SLC25A26: variants seen among roughly 807,000 people sequenced by gnomAD.
SLC25A26 encodes mitochondrial S-adenosylmethionine carrier protein.
In SLC25A26, 36 loss-of-function variants were observed where a neutral mutation model predicts 37.8. That is an observed-to-expected ratio of 0.95 (90% CI 0.73 to 1.26). SLC25A26 has a LOEUF of 1.26. Among genes scored for constraint, SLC25A26 ranks in the 50% most tolerant of loss-of-function variants. The pLI, the probability that SLC25A26 is intolerant of heterozygous loss-of-function variation, is 0.00. For synonymous variants in SLC25A26, 129 were observed against 122.5 expected, an observed-to-expected ratio of 1.05 and a Z score of -0.35; for missense variants, 390 against 331.1, an observed-to-expected ratio of 1.18 and a Z score of -1.38.
chr3:66,226,307 A>G (rs1378123164), intron 1 of SLC25A26, among the ~76,000 whole-genome samples: 1 of 152,172 alleles, frequency 6.6e-6, no homozygotes. Flanking sequence ...TGAGATCATC[A>G]GATCTTGTGA....
chr3:66,375,862 C>G (rs1440719618), intron 9 of SLC25A26, among the ~76,000 whole-genome samples: 1 of 151,774 alleles, frequency 6.6e-6, no homozygotes, highest in African/African-American at 2.4e-5. Context: ...CATAAGGCTA[C>G]AGCTGCATCA....
chr3:66,256,013 G>A (rs1019508256), intron 3 of SLC25A26, among the ~76,000 whole-genome samples: 1 of 152,140 alleles, frequency 6.6e-6, no homozygotes, highest in African/African-American at 2.4e-5. Flanking sequence ...AACTTGGAGG[G>A]TTATGAAGCA....
At chr3:66,250,597 A>G (rs948912659) in intron 3 of SLC25A26, among the ~76,000 whole-genome samples, 1 of 152,108 alleles carries the variant, frequency 6.6e-6, no homozygotes, top group Non-Finnish European at 1.5e-5. Flanking sequence ...TAGGGAGGCA[A>G]GGCTAAAGCA....
At chr3:66,135,938 A>T (rs181941363) in intron 1 of SLC25A26, among the ~76,000 whole-genome samples, 107 of 152,330 alleles carry the variant, frequency 7.0e-4, no homozygotes, top group Middle Eastern at 3.4e-3. Context: ...TCCTACAGGG[A>T]TATACATCTT....
intron 5 of SLC25A26, among the ~76,000 whole-genome samples, chr3:66,316,390 A>G (rs1175042399): frequency 6.6e-6 from 1 of 152,154 alleles, no homozygotes; most frequent in African/African-American, 2.4e-5. Flanking sequence ...CTTTGGCCAG[A>G]TACGAAATTC....
chr3:66,363,520 T>C (rs2076760626), intron 7 of SLC25A26, among the ~76,000 whole-genome samples: 1 of 152,206 alleles, frequency 6.6e-6, no homozygotes, highest in Non-Finnish European at 1.5e-5. Context: ...CACTAAGTCA[T>C]ATGAATTTTC....
intron 5 of SLC25A26, among the ~76,000 whole-genome samples, chr3:66,321,826 T>A (rs1328572754): frequency 6.6e-6 from 1 of 152,102 alleles, no homozygotes; most frequent in Admixed American, 6.5e-5. Context: ...AACTTTATCT[T>A]AGTCTGTTTT....
intron 7 of SLC25A26, 128 bp from the exon 8 acceptor site, chr3:66,369,350 C>A: frequency 1.4e-6 from 1 of 725,124 alleles, no homozygotes; most frequent in Non-Finnish European, 2.4e-6. Flanking sequence ...TGCATGTGTG[C>A]ATCCTGTTCT....
rs923861496 is a variant in SLC25A26, at chr3:66,162,915, A to G, written c.-354+28931A>G. On this transcript the variant is annotated intron_variant, in intron 1 of 10. Coordinates refer to the SLC25A26 transcript ENST00000676754. ...TGAGAAAGCTTAGGCTCAGAGAGAT[A>G]GAGGAACTTGCTTCATTAAGGCCAC... is the stretch of plus-strand genomic sequence containing the variant. 3.9e-5 allele frequency among the ~76,000 whole-genome samples: 6 copies of G among 152,334 alleles called. No individual in the cohort carries two copies. The Middle Eastern group carries it at 0.01, about 259-fold the overall frequency.
chr3:66,288,320 G>A (rs9809256), intron 5 of SLC25A26, among the ~76,000 whole-genome samples: 7,843 of 152,020 alleles, frequency 0.052, 611 homozygotes, highest in African/African-American at 0.17. Flanking sequence ...ACATTGGAAA[G>A]CATTTTTTTT....
At chr3:66,370,661 CTAACT>C in intron 9 of SLC25A26, 59 bp downstream of exon 9, 1 of 1,411,434 alleles carries the variant, frequency 7.1e-7, no homozygotes, top group Non-Finnish European at 9.9e-7. Context: ...CTCCTTTAGC[CTAACT>C]TTGGATGAAC....
chr3:66,145,080 A>G (rs2070095845), intron 1 of SLC25A26, among the ~76,000 whole-genome samples: 1 of 152,162 alleles, frequency 6.6e-6, no homozygotes, highest in South Asian at 2.1e-4. Context: ...AAATCAATGG[A>G]TTGGAAAACT....
intron 1 of SLC25A26, among the ~76,000 whole-genome samples, chr3:66,150,070 A>G (rs2106688231): frequency 6.6e-6 from 1 of 152,330 alleles, no homozygotes; most frequent in Non-Finnish European, 1.5e-5. Context: ...ACAAAGACAC[A>G]GAAGATGGAA....
chr3:66,298,169 G>A (rs534883659), intron 5 of SLC25A26, among the ~76,000 whole-genome samples: 1 of 152,156 alleles, frequency 6.6e-6, no homozygotes, highest in Non-Finnish European at 1.5e-5. Context: ...TCTGAAGTGT[G>A]AGAACCACTG....
At chr3:66,272,982 A>T (rs142261387) in intron 5 of SLC25A26, among the ~76,000 whole-genome samples, 1 of 152,102 alleles carries the variant, frequency 6.6e-6, no homozygotes, top group Non-Finnish European at 1.5e-5. Flanking sequence ...TACCTAATTT[A>T]TTGAGAGTTT....
chr3:66,239,546 C>G (rs947636787), intron 2 of SLC25A26, among the ~76,000 whole-genome samples: 5 of 152,166 alleles, frequency 3.3e-5, no homozygotes, highest in Non-Finnish European at 7.3e-5. Context: ...AAAGCCAAAT[C>G]TTTTTCTAAA....
intron 7 of SLC25A26, among the ~76,000 whole-genome samples, chr3:66,364,989 A>G (rs1362623130): frequency 5.3e-5 from 8 of 152,224 alleles, no homozygotes; most frequent in Admixed American, 5.2e-4. Flanking sequence ...TTTATTTGGT[A>G]CAACTGTTGA....
intron 1 of SLC25A26, among the ~76,000 whole-genome samples, chr3:66,150,010 CCAAACGTGG>C (rs1292831014): frequency 6.6e-6 from 1 of 152,002 alleles, no homozygotes; most frequent in Non-Finnish European, 1.5e-5. Flanking sequence ...TATTCTGTGA[CCAAACGTGG>C]GGCTTTTCAA....
chr3:66,334,554 G>A (rs192634194), intron 5 of SLC25A26, among the ~76,000 whole-genome samples: 23 of 152,226 alleles, frequency 1.5e-4, no homozygotes, highest in Admixed American at 7.2e-4. Context: ...GGCCTTAACT[G>A]ATCCACCGGC....
Sources: gnomAD v4.1 joint callset for allele counts (sites outside exome capture counted in the v4.1 genomes callset) on GRCh38, gnomAD v4.1.1 for gene constraint, MANE v1.5 for transcripts, NCBI Gene and HGNC (gene_info 2026-07-23, HGNC 2026-07-21) for gene names.